The following INVS variants were observed in gnomAD, a reference collection of about 807,000 sequenced individuals.
INVS encodes inversion of embryo turning homolog.
In INVS, 86 loss-of-function variants were observed where a neutral mutation model predicts 108.8. That is an observed-to-expected ratio of 0.79 (90% confidence interval 0.66 to 0.95). INVS has a LOEUF of 0.95. INVS is among the 40% of genes least tolerant of loss of function. INVS has a pLI of 0.00. For synonymous variants in INVS, 455 were observed against 473.5 expected, an observed-to-expected ratio of 0.96 and a Z score of 0.51; for missense variants, 1,169 against 1,297.4, an observed-to-expected ratio of 0.90 and a Z score of 1.52.
intron 3 of INVS, among the ~76,000 whole-genome samples, chr9:100,198,514 C>T (rs1026439212): frequency 6.6e-6 from 1 of 151,306 alleles, no homozygotes; most frequent in Non-Finnish European, 1.5e-5. Flanking sequence ...TGGTCTCGAA[C>T]TCCTGACTTC....
chr9:100,244,887 A>G (rs555571937), intron 7 of INVS, among the ~76,000 whole-genome samples: 9 of 152,246 alleles, frequency 5.9e-5, no homozygotes, highest in Non-Finnish European at 1.3e-4. Flanking sequence ...TCTTAAAAGT[A>G]GAAAGCAGTG....
rs372355067 is a variant in INVS, at chr9:100,246,747, G to A, written c.1038G>A (p.Ser346=). The A allele has an allele frequency of 3.0e-5, 48 of 1,613,948 alleles. No homozygotes were observed. Among genetic ancestry groups the A allele is most frequent in the African/African-American group, 2.1e-4 (16 of 75,026 alleles). Residue 346 remains serine, a synonymous_variant, in exon 8 of 17, where the codon TCG becomes TCA. Coordinates refer to ENST00000262457, the MANE Select transcript of INVS (RefSeq NM_014425.5). ...DVLRTMLSLK[S]DIDINMADKY... ...TTAGAACTATGCTGAGCTTAAAATC[G>A]GACATAGATATTAACATGGCTGACA...
In INVS at chr9:100,109,299, A is replaced by T. The variant is rs566473544; in HGVS notation, c.106+4672A>T. 4.0e-4 allele frequency among the ~76,000 whole-genome samples: 61 copies of T among 152,058 alleles called. 1 individual carries two copies. In the South Asian group the frequency reaches 0.012, roughly 30 times the overall value. ...TGTGTGAGAGTTAAATGAAATAATG[A>T]CAGTAAAATATCTAGCATGGTACTT... On this transcript the variant is annotated intron_variant, in intron 2 of 16. Transcript: ENST00000262457.
chr9:100,131,194 T>G (rs1828045030), intron 3 of INVS, among the ~76,000 whole-genome samples: 1 of 152,162 alleles, frequency 6.6e-6, no homozygotes, highest in Admixed American at 6.5e-5. Flanking sequence ...TTTTTGTTTG[T>G]TTTTGAATCT....
At position 100,298,597 on chromosome 9, in the gene INVS, G is replaced by T. The variant is rs76023065; in HGVS notation, c.3091+587G>T. On this transcript the variant is annotated intron_variant, in intron 16 of 16. Coordinates refer to ENST00000262457, the MANE Select transcript of INVS (RefSeq NM_014425.5). ...CCAGGTCCAGTGTTTCTCATAGGTG[G>T]CTATGGCAACACGCTCCCCCCTGCC... 6.6e-5 allele frequency among the ~76,000 whole-genome samples: 10 copies of T among 152,232 alleles called. No individual in the cohort carries two copies. In the East Asian group the frequency reaches 1.9e-3, roughly 29 times the overall value.
chr9:100,279,791 G>T (rs1479774622), intron 12 of INVS, among the ~76,000 whole-genome samples: 2 of 152,156 alleles, frequency 1.3e-5, no homozygotes, highest in African/African-American at 4.8e-5. Flanking sequence ...ATATTCATGG[G>T]ATGGGAAAGA....
At chr9:100,279,917 A>G (rs2118704061) in intron 12 of INVS, among the ~76,000 whole-genome samples, 1 of 152,346 alleles carries the variant, frequency 6.6e-6, no homozygotes, top group South Asian at 2.1e-4. Flanking sequence ...TAGAAAAAAT[A>G]TCAACTTCCA....
At chr9:100,252,177 A>G in intron 8 of INVS, 106 bp from the exon 9 acceptor site, 1 of 1,275,446 alleles carries the variant, frequency 7.8e-7, no homozygotes, top group Non-Finnish European at 1.1e-6. Flanking sequence ...TGGAGATTGC[A>G]TTTATTCAAA....
intron 8 of INVS, among the ~76,000 whole-genome samples, chr9:100,248,993 GCTT>G (rs67561435): frequency 0.5 from 75,902 of 151,546 alleles, 20,063 homozygotes; most frequent in African/African-American, 0.61. Flanking sequence ...TCCCACCTCA[GCTT>G]CTTCCCAAAG....
At chr9:100,177,897 G>A (rs920720628) in intron 3 of INVS, among the ~76,000 whole-genome samples, 15 of 152,140 alleles carry the variant, frequency 9.9e-5, no homozygotes, top group African/African-American at 3.4e-4. Context: ...CATCTGGCAG[G>A]TGCCCCTCTG....
intron 2 of INVS, chr9:100,120,772 A>G (rs535444738): frequency 6.6e-6 from 1 of 152,316 alleles, no homozygotes; most frequent in Non-Finnish European, 1.5e-5. Flanking sequence ...GAATCAAGTT[A>G]TCAAGGTTCT....
intron 2 of INVS, among the ~76,000 whole-genome samples, chr9:100,115,013 G>C (rs1192087081): frequency 1.8e-4 from 27 of 152,284 alleles, no homozygotes; most frequent in Non-Finnish European, 7.4e-5. Context: ...AGTTTTAATA[G>C]TAGCTATACC....
chr9:100,213,396 G>C (rs1830894428), intron 3 of INVS, among the ~76,000 whole-genome samples: 1 of 151,712 alleles, frequency 6.6e-6, no homozygotes, highest in African/African-American at 2.4e-5. Flanking sequence ...ATTAGAGAAA[G>C]GGTCTCACTA....
intron 10 of INVS, among the ~76,000 whole-genome samples, chr9:100,257,971 G>T (rs1388907700): frequency 1.3e-5 from 2 of 152,184 alleles, no homozygotes; most frequent in African/African-American, 2.4e-5. Flanking sequence ...CTAGGTTGGG[G>T]AAGTTCTCCT....
At position 100,114,054 on chromosome 9, in the gene INVS, A is replaced by G. The variant is rs1827428359; in HGVS notation, c.106+9427A>G. ...TGGCAACATTTTTTTCACTTACAAT[A>G]CATAGCTGGAGCCATGGCATCTTTT... On this transcript the variant is annotated intron_variant, in intron 2 of 16. Transcript: ENST00000262457. Among the ~76,000 whole-genome samples the G allele has an allele frequency of 2.0e-5, 3 of 152,194 alleles. 1 individual carries two copies. In the South Asian group the frequency reaches 6.2e-4, roughly 32 times the overall value.
intron 2 of INVS, among the ~76,000 whole-genome samples, chr9:100,123,394 A>G (rs888497053): frequency 7.2e-5 from 11 of 152,196 alleles, no homozygotes; most frequent in Admixed American, 6.5e-4. Flanking sequence ...TGCTTAGCAT[A>G]ATGTTTTCAA....
At chr9:100,225,373 G>T (rs1489146922) in intron 3 of INVS, among the ~76,000 whole-genome samples, 2 of 152,068 alleles carry the variant, frequency 1.3e-5, no homozygotes, top group African/African-American at 4.8e-5. Flanking sequence ...TGAATAAGCT[G>T]CCTCTACCTT....
chr9:100,099,724 C>T (rs1826758270), intron 1 of INVS, among the ~76,000 whole-genome samples: 1 of 152,160 alleles, frequency 6.6e-6, no homozygotes, highest in Non-Finnish European at 1.5e-5. Flanking sequence ...GTGATTGCTG[C>T]TAAGGCGTGG....
chr9:100,146,495 G>T (rs1006521841), intron 3 of INVS, among the ~76,000 whole-genome samples: 3 of 152,188 alleles, frequency 2.0e-5, no homozygotes, highest in Non-Finnish European at 2.9e-5. Context: ...GAGATATGAT[G>T]GCTTAGCTTG....
Sources: allele counts gnomAD v4.1 joint callset (sites outside exome capture counted in the v4.1 genomes callset), GRCh38; gene constraint gnomAD v4.1.1; transcripts MANE v1.5; gene names NCBI Gene and HGNC (gene_info 2026-07-23, HGNC 2026-07-21).